KCNMA1: variants seen among roughly 807,000 people sequenced by gnomAD.
KCNMA1 encodes the protein Calcium-activated potassium channel subunit alpha-1.
KCNMA1 carries 29 observed loss-of-function variants against 140.0 expected under a neutral mutation model. That is an observed-to-expected ratio of 0.21 (90% CI 0.15 to 0.28). The LOEUF (loss-of-function observed/expected upper bound fraction) is 0.28. KCNMA1 is among the 10% of genes least tolerant of loss of function. KCNMA1 has a pLI of 1.00. For synonymous variants in KCNMA1, 612 were observed against 611.9 expected (o/e 1.00, Z 0.00); for missense variants, 880 against 1,602.2 (o/e 0.55, Z 7.70).
chr10:77,052,375 T>C (rs1244346450), intron 14 of KCNMA1, among the ~76,000 whole-genome samples: 1 of 152,164 alleles, frequency 6.6e-6, no homozygotes, highest in African/African-American at 2.4e-5. Context: ...GGATCATGTG[T>C]GGGTAGCACC....
chr10:77,106,634 G>C (rs564725955), intron 9 of KCNMA1, among the ~76,000 whole-genome samples: 1 of 152,188 alleles, frequency 6.6e-6, no homozygotes, highest in Non-Finnish European at 1.5e-5. Context: ...CAGTGATTGG[G>C]AAATGCTGGC....
chr10:77,524,876 C>T (rs1045282884), intron 1 of KCNMA1, among the ~76,000 whole-genome samples: 2 of 152,120 alleles, frequency 1.3e-5, no homozygotes, highest in Admixed American at 1.3e-4. Context: ...TGAGCCCATC[C>T]ACTTCCTCTA....
chr10:77,070,439 A>G (rs990345596), intron 14 of KCNMA1, among the ~76,000 whole-genome samples: 2 of 152,186 alleles, frequency 1.3e-5, no homozygotes, highest in African/African-American at 4.8e-5. Flanking sequence ...AAAAACAGAC[A>G]CGACCGGCCT....
intron 1 of KCNMA1, among the ~76,000 whole-genome samples, chr10:77,556,334 A>T (rs1420965048): frequency 6.6e-6 from 1 of 151,772 alleles, no homozygotes; most frequent in Non-Finnish European, 1.5e-5. Context: ...GTGAAACCCC[A>T]TCTCTGCTGA....
chr10:77,129,102 T>C (rs2097799004), intron 5 of KCNMA1, among the ~76,000 whole-genome samples: 1 of 152,226 alleles, frequency 6.6e-6, no homozygotes, highest in South Asian at 2.1e-4. Context: ...TAAATTCTGA[T>C]TCGAGTGTGC....
intron 1 of KCNMA1, among the ~76,000 whole-genome samples, chr10:77,541,701 A>T (rs559334001): frequency 1.3e-5 from 2 of 152,352 alleles, no homozygotes; most frequent in East Asian, 3.9e-4. Context: ...AAAATAAGAA[A>T]GAACAATCTA....
intron 1 of KCNMA1, among the ~76,000 whole-genome samples, chr10:77,420,527 A>G (rs751319101): frequency 7.9e-5 from 12 of 152,200 alleles, no homozygotes; most frequent in Non-Finnish European, 1.8e-4. Context: ...TTCTCTGCTT[A>G]TCAGTCCTCA....
intron 1 of KCNMA1, among the ~76,000 whole-genome samples, chr10:77,512,728 C>T (rs1036894496): frequency 6.6e-6 from 1 of 152,174 alleles, no homozygotes; most frequent in African/African-American, 2.4e-5. Context: ...ACTGAGAAGA[C>T]AGTGTGAAGA....
At chr10:77,492,852 T>A (rs550081580) in intron 1 of KCNMA1, among the ~76,000 whole-genome samples, 71 of 152,328 alleles carry the variant, frequency 4.7e-4, no homozygotes, top group African/African-American at 1.7e-3. Flanking sequence ...GTAAGATGTA[T>A]TAGTGCCTAC....
intron 1 of KCNMA1, among the ~76,000 whole-genome samples, chr10:77,540,858 A>T (rs903888780): frequency 6.6e-6 from 1 of 152,082 alleles, no homozygotes; most frequent in African/African-American, 2.4e-5. Flanking sequence ...CAAAAAAAAT[A>T]GCTGAGTGTG....
chr10:77,332,305 A>G (rs1452759708), intron 2 of KCNMA1, among the ~76,000 whole-genome samples: 9 of 152,132 alleles, frequency 5.9e-5, no homozygotes, highest in African/African-American at 2.4e-5. Flanking sequence ...TCCATTTGTA[A>G]ACAGAGCTTG....
chr10:77,519,993 G>A (rs1313275322), intron 1 of KCNMA1, among the ~76,000 whole-genome samples: 1 of 150,396 alleles, frequency 6.6e-6, no homozygotes, highest in African/African-American at 2.4e-5. Context: ...TGCAGTGTGA[G>A]GTCTGGCATA....
chr10:77,050,182 A>T (rs2095304390), intron 14 of KCNMA1, among the ~76,000 whole-genome samples: 1 of 151,986 alleles, frequency 6.6e-6, no homozygotes, highest in Non-Finnish European at 1.5e-5. Flanking sequence ...CAACAATTCA[A>T]CAGGAAGTAG....
At chr10:77,636,387 C>G (rs567096273) in intron 1 of KCNMA1, 29 of 1,535,858 alleles carry the variant, frequency 1.9e-5, no homozygotes, top group Middle Eastern at 3.3e-4. Flanking sequence ...CCAGGAATAG[C>G]TAAAGCCGAC....
intron 14 of KCNMA1, chr10:77,063,618 G>T: frequency 1.8e-6 from 1 of 552,180 alleles, no homozygotes. Context: ...CCTCATCATT[G>T]TTCTGGACAC....
intron 1 of KCNMA1, among the ~76,000 whole-genome samples, chr10:77,477,876 G>A (rs918204848): frequency 4.6e-5 from 7 of 152,162 alleles, no homozygotes; most frequent in Admixed American, 1.3e-4. Flanking sequence ...CTTCAGACCC[G>A]GTTAAATGTG....
intron 16 of KCNMA1, among the ~76,000 whole-genome samples, chr10:77,022,463 G>A (rs2092968406): frequency 6.6e-6 from 1 of 152,152 alleles, no homozygotes; most frequent in Non-Finnish European, 1.5e-5. Context: ...TGGAAGCACG[G>A]GGCTGGTGTG....
intron 1 of KCNMA1, among the ~76,000 whole-genome samples, chr10:77,529,225 C>A (rs1184122761): frequency 7.4e-6 from 1 of 136,048 alleles, no homozygotes; most frequent in Non-Finnish European, 1.5e-5. Context: ...TGTGTTCCTG[C>A]CCTCCCCTCT....
At chr10:77,376,988 A>C (rs187564433) in intron 2 of KCNMA1, among the ~76,000 whole-genome samples, 2 of 35,214 alleles carry the variant, frequency 5.7e-5, no homozygotes, top group East Asian at 5.7e-4. Flanking sequence ...TACATACATA[A>C]AAATGAAATG....
Sources: gnomAD v4.1 joint callset for allele counts (sites outside exome capture counted in the v4.1 genomes callset) on GRCh38, gnomAD v4.1.1 for gene constraint, MANE v1.5 for transcripts, NCBI Gene and HGNC (gene_info 2026-07-23, HGNC 2026-07-21) for gene names.